PALLD: variants seen among roughly 807,000 people sequenced by gnomAD.
PALLD encodes palladin, cytoskeletal associated protein.
In PALLD, 61 loss-of-function variants were observed where a neutral mutation model predicts 123.5. The observed-to-expected ratio is 0.49, with a 90% CI of 0.40 to 0.61. The LOEUF (loss-of-function observed/expected upper bound fraction) is 0.61, where lower values mean the gene tolerates loss of function less well. Among genes scored for constraint, PALLD ranks in the 20% least tolerant of loss-of-function variants. PALLD has a pLI of 0.00. For missense variants in PALLD, 1,273 were observed against 1,377.0 expected, an observed-to-expected ratio of 0.92 and a Z score of 1.20; for synonymous variants, 465 against 496.4, an observed-to-expected ratio of 0.94 and a Z score of 0.84.
intron 10 of PALLD, among the ~76,000 whole-genome samples, chr4:168,792,848 C>A (rs1410191218): frequency 1.3e-5 from 2 of 150,626 alleles, no homozygotes; most frequent in African/African-American, 4.9e-5. Context: ...CTCAGGGCAA[C>A]CTCTGCCTCC....
At chr4:168,747,348 C>G (rs1561476199) in intron 10 of PALLD, among the ~76,000 whole-genome samples, 2 of 152,206 alleles carry the variant, frequency 1.3e-5, no homozygotes, top group South Asian at 4.1e-4. Flanking sequence ...GTTTTCACTC[C>G]TGTGGGAAAA....
chr4:168,643,087 T>C (rs1194445879), intron 2 of PALLD, among the ~76,000 whole-genome samples: 1 of 152,200 alleles, frequency 6.6e-6, no homozygotes, highest in East Asian at 1.9e-4. Flanking sequence ...GCCTATTGGG[T>C]TATAACTTGG....
intron 10 of PALLD, among the ~76,000 whole-genome samples, chr4:168,771,007 C>T (rs984816773): frequency 2.0e-5 from 3 of 149,144 alleles, no homozygotes; most frequent in Admixed American, 6.7e-5. Flanking sequence ...TTGCAGTGGC[C>T]AAGATTGCAC....
chr4:168,640,972 G>A (rs1435840392), intron 2 of PALLD, among the ~76,000 whole-genome samples: 3 of 152,162 alleles, frequency 2.0e-5, no homozygotes, highest in African/African-American at 7.2e-5. Context: ...ACTTTGGGAG[G>A]TCGAGGTGGG....
In PALLD at chr4:168,895,792, A is replaced by G. The variant is rs372645209; in HGVS notation, c.2200-757A>G. Among the ~76,000 whole-genome samples, 40 of 152,372 alleles carry G rather than the reference A, an allele frequency of 2.6e-4. No homozygotes were observed. The East Asian group carries it at 6.7e-3, about 26-fold the overall frequency. On this transcript the variant is annotated intron_variant, in intron 12 of 21. Coordinates refer to ENST00000505667, the MANE Select transcript of PALLD (RefSeq NM_001166108.2). ...GATCAACTGTTTAGTCTTAATATCT[A>G]GTCAAAATAAAATAGAAAATATTAT...
At chr4:168,861,297 T>C (rs1484832457) in intron 10 of PALLD, among the ~76,000 whole-genome samples, 1 of 147,492 alleles carries the variant, frequency 6.8e-6, no homozygotes. Flanking sequence ...AAAAACTAAG[T>C]AAAAAAGCAT....
chr4:168,896,588 G>C lies in PALLD; in HGVS notation c.2239G>C (p.Asp747His). 1 of 1,514,686 alleles carries C rather than the reference G, an allele frequency of 6.6e-7. No individual in the cohort carries two copies. The highest frequency in any genetic ancestry group is 2.5e-5 in the East Asian group (1 of 40,730). 93.8% of individuals were successfully genotyped at this position (1,514,686 alleles called of 1,614,324 possible). Residue 747 changes from aspartate (D) to histidine (H), a missense_variant, in exon 13 of 22, where the codon GAT becomes CAT. By Grantham distance (81) the Asp-to-His change is moderately conservative (BLOSUM62 -1). Coordinates refer to ENST00000505667, the MANE Select transcript of PALLD (RefSeq NM_001166108.2). ...SPHASVGSPL[D>H]GQKEYKVSSC... ...TCATGCTTCTGTAGGGAGTCCTCTG[G>C]ATGGTCAAAAGGTTAAGCTTTTCAC...
rs1245839653 is a variant in PALLD at position 168,891,074 on chromosome 4, G to A, written c.2100+17G>A. 1.9e-6 allele frequency: 3 copies of A among 1,613,714 alleles called. No individual in the cohort carries two copies. The highest frequency in any genetic ancestry group is 1.7e-5 in the Admixed American group (1 of 59,986). ...GGCCAGCCGGTACTGATAGATTTGG[G>A]ACCTGGACTTGGAATGTTAGCTACC... On this transcript the variant is annotated intron_variant, in intron 11 of 21. Coordinates refer to ENST00000505667, the MANE Select transcript of PALLD (RefSeq NM_001166108.2).
intron 8 of PALLD, among the ~76,000 whole-genome samples, chr4:168,708,552 CAT>C (rs1361014645): frequency 1.3e-5 from 2 of 152,198 alleles, no homozygotes; most frequent in Non-Finnish European, 2.9e-5. Flanking sequence ...ACAGGTCAAA[CAT>C]ATACAGGTCA....
At chr4:168,560,278 G>GTTGC (rs1291906626) in intron 2 of PALLD, among the ~76,000 whole-genome samples, 3 of 152,182 alleles carry the variant, frequency 2.0e-5, no homozygotes, top group Non-Finnish European at 2.9e-5. Context: ...TGCAAGGCCA[G>GTTGC]TTGCTTGCTT....
chr4:168,602,008 G>A (rs1345373032), intron 2 of PALLD, among the ~76,000 whole-genome samples: 7 of 152,148 alleles, frequency 4.6e-5, no homozygotes, highest in Non-Finnish European at 7.4e-5. Flanking sequence ...AAGACAGGAG[G>A]GGATAATGGG....
intron 2 of PALLD, among the ~76,000 whole-genome samples, chr4:168,604,279 C>G (rs1201233360): frequency 6.6e-6 from 1 of 152,110 alleles, no homozygotes; most frequent in Non-Finnish European, 1.5e-5. Context: ...GCTATAGGGG[C>G]CAAGAGTAAA....
chr4:168,831,120 T>C (rs1481000451), intron 10 of PALLD, among the ~76,000 whole-genome samples: 1 of 152,242 alleles, frequency 6.6e-6, no homozygotes, highest in East Asian at 1.9e-4. Context: ...CCAACCCAGC[T>C]ACTGGAGGAT....
At chr4:168,516,506 T>C (rs1763002780) in intron 2 of PALLD, among the ~76,000 whole-genome samples, 1 of 152,222 alleles carries the variant, frequency 6.6e-6, no homozygotes, top group South Asian at 2.1e-4. Context: ...TAAAGGTATT[T>C]ATACCTTTAA....
At chr4:168,538,792 A>C (rs1446738338) in intron 2 of PALLD, among the ~76,000 whole-genome samples, 1 of 152,242 alleles carries the variant, frequency 6.6e-6, no homozygotes, top group Non-Finnish European at 1.5e-5. Context: ...GGCAAGCTTA[A>C]AAGATCAGAA....
intron 10 of PALLD, among the ~76,000 whole-genome samples, chr4:168,829,510 A>C (rs1445450741): frequency 6.6e-6 from 1 of 152,182 alleles, no homozygotes; most frequent in Non-Finnish European, 1.5e-5. Context: ...TAAAATCATA[A>C]AATTTAAGAA....
chr4:168,691,174 C>A, intron 7 of PALLD, 95 bp from the exon 8 acceptor site: 1 of 841,030 alleles, frequency 1.2e-6, no homozygotes, highest in Non-Finnish European at 2.1e-6. Flanking sequence ...ATGTCCTAGA[C>A]AAGGTAATGG....
At chr4:168,923,207 C>G (rs193274036) in intron 18 of PALLD, among the ~76,000 whole-genome samples, 190 of 152,298 alleles carry the variant, frequency 1.2e-3, no homozygotes, top group Non-Finnish European at 1.7e-3. Flanking sequence ...GCTTCTGTTC[C>G]CACTTCTCCC....
At chr4:168,658,459 A>AT (rs988377771) in intron 2 of PALLD, among the ~76,000 whole-genome samples, 2 of 150,990 alleles carry the variant, frequency 1.3e-5, no homozygotes, top group Admixed American at 6.6e-5. Flanking sequence ...TAGTTTTCAA[A>AT]TTTTTTTTGT....
Sources: gnomAD v4.1 joint callset for allele counts (sites outside exome capture counted in the v4.1 genomes callset) on GRCh38, gnomAD v4.1.1 for gene constraint, MANE v1.5 for transcripts, NCBI Gene and HGNC (gene_info 2026-07-23, HGNC 2026-07-21) for gene names.